Variants in SYT1 observed in about 807,000 individuals in gnomAD.
The protein encoded by SYT1 is synaptotagmin-1.
SYT1 carries 8 observed loss-of-function variants against 44.8 expected under a neutral mutation model. The ratio of observed to expected loss-of-function variants is 0.18; its 90% confidence interval spans 0.10 to 0.32. The LOEUF is 0.32. Among genes scored for constraint, SYT1 ranks in the 10% least tolerant of loss-of-function variants. The pLI is 1.00. For missense variants in SYT1, 286 were observed against 509.3 expected (o/e 0.56, Z 4.22); for synonymous variants, 154 against 188.8 (o/e 0.82, Z 1.51).
intron 2 of SYT1, among the ~76,000 whole-genome samples, chr12:79,014,574 G>C (rs1236322432): frequency 6.6e-6 from 1 of 152,060 alleles, no homozygotes; most frequent in East Asian, 1.9e-4. Flanking sequence ...AGGTGCTGGA[G>C]AGGATGTGGA....
intron 4 of SYT1, among the ~76,000 whole-genome samples, chr12:79,269,487 T>A (rs1228397281): frequency 6.6e-6 from 1 of 152,126 alleles, no homozygotes. Flanking sequence ...TCCACCCCTG[T>A]ATAGTTTAAA....
At chr12:78,952,725 A>G (rs903877107) in intron 1 of SYT1, among the ~76,000 whole-genome samples, 16 of 152,132 alleles carry the variant, frequency 1.1e-4, no homozygotes, top group Non-Finnish European at 1.5e-4. Flanking sequence ...TATGACCACT[A>G]TGTAAATTCT....
chr12:79,097,239 G>A (rs1243253190), intron 3 of SYT1, among the ~76,000 whole-genome samples: 3 of 151,950 alleles, frequency 2.0e-5, no homozygotes, highest in Non-Finnish European at 4.4e-5. Context: ...CAACATTTGA[G>A]ACTGTCCAAA....
intron 8 of SYT1, among the ~76,000 whole-genome samples, chr12:79,307,543 G>A (rs1158356922): frequency 2.0e-5 from 3 of 151,332 alleles, no homozygotes; most frequent in Non-Finnish European, 4.4e-5. Flanking sequence ...GAGCCACAGG[G>A]GAATGAAATT....
At chr12:78,937,884 T>G (rs1878147731) in intron 1 of SYT1, among the ~76,000 whole-genome samples, 1 of 152,150 alleles carries the variant, frequency 6.6e-6, no homozygotes, top group Non-Finnish European at 1.5e-5. Context: ...TATCTGCTTT[T>G]GGGATGCTGC....
chr12:79,374,827 A>G (rs867060732), intron 9 of SYT1, among the ~76,000 whole-genome samples: 1 of 152,230 alleles, frequency 6.6e-6, no homozygotes, highest in East Asian at 1.9e-4. Flanking sequence ...ACCTGCCTAC[A>G]AAGAGCTTGG....
At chr12:78,997,464 A>G (rs1870454181) in intron 2 of SYT1, among the ~76,000 whole-genome samples, 1 of 152,196 alleles carries the variant, frequency 6.6e-6, no homozygotes, top group South Asian at 2.1e-4. Context: ...TTAAATAATT[A>G]TGCCTTGAGA....
intron 3 of SYT1, among the ~76,000 whole-genome samples, chr12:79,194,989 C>T (rs1375673190): frequency 6.6e-6 from 1 of 152,136 alleles, no homozygotes; most frequent in Non-Finnish European, 1.5e-5. Flanking sequence ...ACTTTAATAA[C>T]ACAAATTCTG....
At chr12:78,886,595 C>T (rs2137065817) in intron 1 of SYT1, among the ~76,000 whole-genome samples, 1 of 152,042 alleles carries the variant, frequency 6.6e-6, no homozygotes, top group Admixed American at 6.6e-5. Flanking sequence ...ATATTTTAAT[C>T]AGTACATACT....
chr12:79,439,791 A>G (rs1359065192), intron 9 of SYT1, among the ~76,000 whole-genome samples: 1 of 152,222 alleles, frequency 6.6e-6, no homozygotes, highest in African/African-American at 2.4e-5. Context: ...GCTAGAAAAA[A>G]GCAGAGCCAA....
chr12:79,117,676 T>C (rs1879357682), intron 3 of SYT1, among the ~76,000 whole-genome samples: 1 of 63,072 alleles, frequency 1.6e-5, no homozygotes, highest in Non-Finnish European at 3.2e-5. Flanking sequence ...TATATATATA[T>C]ATATATATAT....
At chr12:79,223,622 G>C (rs1875306589) in intron 4 of SYT1, among the ~76,000 whole-genome samples, 1 of 152,222 alleles carries the variant, frequency 6.6e-6, no homozygotes, top group Non-Finnish European at 1.5e-5. Flanking sequence ...TACTGGGACA[G>C]CTGAAGCCAA....
intron 3 of SYT1, among the ~76,000 whole-genome samples, chr12:79,178,943 G>GATATAGATATATCT (rs1872090104): frequency 5.4e-5 from 3 of 55,246 alleles, no homozygotes; most frequent in Non-Finnish European, 1.0e-4. Flanking sequence ...TATAGATATA[G>GATATAGATATATCT]ATATAGATAT....
intron 3 of SYT1, among the ~76,000 whole-genome samples, chr12:79,123,352 T>TGTGTGTGTG (rs1565816421): frequency 1.8e-4 from 27 of 149,782 alleles, no homozygotes; most frequent in South Asian, 4.2e-4. Context: ...TGTGTGTGTG[T>TGTGTGTGTG]TTAGCTATCA....
At chr12:79,288,963 T>A (rs1013664300) in intron 5 of SYT1, among the ~76,000 whole-genome samples, 8 of 152,058 alleles carry the variant, frequency 5.3e-5, no homozygotes, top group African/African-American at 1.9e-4. Context: ...CTGAACTAAA[T>A]TGATTTTTTT....
At chr12:78,887,769 A>T (rs1874828199) in intron 1 of SYT1, among the ~76,000 whole-genome samples, 1 of 151,974 alleles carries the variant, frequency 6.6e-6, no homozygotes, top group African/African-American at 2.4e-5. Flanking sequence ...ATATTTATTG[A>T]TTGAAGTAGG....
chr12:79,338,848 G>A (rs1882220625), intron 8 of SYT1, among the ~76,000 whole-genome samples: 2 of 151,848 alleles, frequency 1.3e-5, no homozygotes, highest in Non-Finnish European at 1.5e-5. Context: ...AGGCCCGTGT[G>A]TGATGTTCCC....
chr12:79,427,559 C>T (rs1452382783), intron 9 of SYT1, among the ~76,000 whole-genome samples: 2 of 152,152 alleles, frequency 1.3e-5, no homozygotes, highest in East Asian at 3.8e-4. Flanking sequence ...GGGAAAAAGA[C>T]ATTTATAAGT....
rs187461094 is a variant in SYT1, at chr12:79,451,297, A to C, written c.*2173A>C. ...AAAACATAGGTAATAGAAAATATAC[A>C]CAAGTCAGAATGTGAAATTAAATAA... On this transcript the variant is annotated 3_prime_UTR_variant, in exon 11 of 11. Coordinates refer to ENST00000261205, the MANE Select transcript of SYT1 (RefSeq NM_005639.3). 6.6e-6 allele frequency: 1 copy of C among 152,254 alleles called. No homozygotes were observed. Among genetic ancestry groups the C allele is most frequent in the Non-Finnish European group, 1.5e-5 (1 of 68,044 alleles). 9.4% of individuals were successfully genotyped at this position (152,254 alleles called of 1,614,324 possible).
Sources: gnomAD v4.1 joint callset for allele counts (sites outside exome capture counted in the v4.1 genomes callset) on GRCh38, gnomAD v4.1.1 for gene constraint, MANE v1.5 for transcripts, NCBI Gene and HGNC (gene_info 2026-07-23, HGNC 2026-07-21) for gene names.